HAVCR1: variants seen among roughly 807,000 people sequenced by gnomAD.
HAVCR1 encodes T cell immunoglobin domain and mucin domain protein 1.
A neutral mutation model predicts 32.0 loss-of-function variants in HAVCR1; 34 were observed. The ratio of observed to expected loss-of-function variants is 1.06; its 90% CI spans 0.81 to 1.42. The LOEUF is 1.42. Ranked by LOEUF, HAVCR1 falls within the 40% of genes most tolerant of loss-of-function variation. The pLI, the probability that HAVCR1 is intolerant of heterozygous loss-of-function variation, is 0.00. For missense variants in HAVCR1, 420 were observed against 442.3 expected (o/e 0.95, Z 0.45); for synonymous variants, 178 against 170.3 (o/e 1.05, Z -0.35).
At chr5:157,047,419 C>T (rs931880504) in intron 5 of HAVCR1, among the ~76,000 whole-genome samples, 3 of 152,006 alleles carry the variant, frequency 2.0e-5, no homozygotes, top group Non-Finnish European at 4.4e-5. Context: ...GGCAGGATGA[C>T]GCATACGTGT....
chr5:157,067,117 G>A, the HAVCR1 span, among the ~76,000 whole-genome samples: 1 of 152,182 alleles, frequency 6.6e-6, no homozygotes, highest in Admixed American at 6.5e-5. Context: ...CCACCATCTG[G>A]CAGCACTCAG....
chr5:157,032,833 T>A, intron 8 of HAVCR1, 21 bp downstream of exon 8: 1 of 1,421,670 alleles, frequency 7.0e-7, no homozygotes, highest in South Asian at 1.2e-5. Context: ...AAAGTATTGA[T>A]AGAAATATTT....
intron 7 of HAVCR1, among the ~76,000 whole-genome samples, chr5:157,034,122 G>A (rs2113486151): frequency 6.6e-6 from 1 of 152,238 alleles, no homozygotes; most frequent in South Asian, 2.1e-4. Flanking sequence ...CAAGGGACCG[G>A]CGCTCAGCAT....
chr5:157,062,100 A>C (rs534861871), upstream of HAVCR1, among the ~76,000 whole-genome samples: 49 of 152,262 alleles, frequency 3.2e-4, no homozygotes, highest in African/African-American at 9.1e-4. Flanking sequence ...GATGCATCCC[A>C]GTTGTAGGGT....
At chr5:157,057,399 GAAA>G (rs762760749) in intron 2 of HAVCR1, among the ~76,000 whole-genome samples, 2 of 29,622 alleles carry the variant, frequency 6.8e-5, no homozygotes, top group Non-Finnish European at 1.7e-4. Flanking sequence ...AAGAAAGAAA[GAAA>G]GAAAGAAAGA....
chr5:157,052,759 G>A (rs944658829), intron 3 of HAVCR1, 105 bp from the exon 4 acceptor site: 7 of 942,548 alleles, frequency 7.4e-6, no homozygotes, highest in Middle Eastern at 2.8e-4. Flanking sequence ...GTCCCTAGGT[G>A]GAGTTAACTT....
intron 8 of HAVCR1, among the ~76,000 whole-genome samples, chr5:157,032,245 G>A (rs550678251): frequency 6.6e-4 from 100 of 152,242 alleles, no homozygotes; most frequent in Middle Eastern, 6.8e-3. Flanking sequence ...ATGGCCGGGC[G>A]CGGTGGCTCA....
chr5:157,040,092 A>C (rs574688387), intron 6 of HAVCR1, among the ~76,000 whole-genome samples: 1 of 152,318 alleles, frequency 6.6e-6, no homozygotes, highest in East Asian at 1.9e-4. Context: ...TGAGGTCGGG[A>C]GTTGGAGACC....
chr5:157,060,473 A>T (rs1344683798), upstream of HAVCR1, among the ~76,000 whole-genome samples: 1 of 151,748 alleles, frequency 6.6e-6, no homozygotes, highest in East Asian at 1.9e-4. Context: ...CTTAAATATG[A>T]CCTCCCTGGA....
At chr5:157,042,537 AG>A in intron 6 of HAVCR1, 89 bp downstream of exon 6, 1 of 684,034 alleles carries the variant, frequency 1.5e-6, no homozygotes, top group South Asian at 2.2e-5. Context: ...TCTGTGGGCT[AG>A]TCTTACAGAC....
chr5:157,052,496 T>A lies in HAVCR1; in HGVS notation c.538A>T (p.Thr180Ser). The part of the protein sequence containing the change: ...MSIPTTTTVL[T>S]TMTVSTTTSV... ...GTTGTCGTTGAAACAGTCATTGTCGTCAGAACAGTCGTTGTCGTTGGAATG... is the reference window on the plus strand; with the variant it reads ...GTTGTCGTTGAAACAGTCATTGTCGACAGAACAGTCGTTGTCGTTGGAATG... The change falls in exon 4 of 9, where the codon ACG (threonine) becomes TCG (serine). Residue 180 changes from threonine to serine, a missense_variant. Coordinates refer to ENST00000523175, the MANE Select transcript of HAVCR1 (RefSeq NM_001173393.3). The A allele has an allele frequency of 1.2e-6, 2 of 1,602,978 alleles. No homozygotes were observed. The highest frequency in any genetic ancestry group is 1.7e-6 in the Non-Finnish European group (2 of 1,173,090).
At chr5:157,034,687 G>A (rs1754422376) in intron 7 of HAVCR1, among the ~76,000 whole-genome samples, 2 of 152,042 alleles carry the variant, frequency 1.3e-5, no homozygotes. Flanking sequence ...AGGTCCCTGA[G>A]GCCTTCCGCA....
At chr5:157,044,162 T>A (rs992284570) in intron 5 of HAVCR1, among the ~76,000 whole-genome samples, 2 of 151,686 alleles carry the variant, frequency 1.3e-5, no homozygotes, top group African/African-American at 2.4e-5. Context: ...TGAAACCCCA[T>A]CTCTACTAAA....
the HAVCR1 span, among the ~76,000 whole-genome samples, chr5:157,064,810 G>A: frequency 6.6e-6 from 1 of 152,208 alleles, no homozygotes; most frequent in African/African-American, 2.4e-5. Context: ...AGAGGTTGGA[G>A]TGAGCCAAGA....
intron 7 of HAVCR1, among the ~76,000 whole-genome samples, chr5:157,033,819 T>C (rs1754325056): frequency 6.6e-6 from 1 of 152,062 alleles, no homozygotes. Context: ...TCCCAACACT[T>C]TGGGAGGCAG....
intron 2 of HAVCR1, among the ~76,000 whole-genome samples, chr5:157,056,317 G>A (rs1208968603): frequency 6.6e-6 from 1 of 151,440 alleles, no homozygotes; most frequent in Non-Finnish European, 1.5e-5. Context: ...GAGATTATAA[G>A]CATTTTTCTA....
chr5:157,061,731 G>C (rs1756493549), upstream of HAVCR1, among the ~76,000 whole-genome samples: 1 of 151,816 alleles, frequency 6.6e-6, no homozygotes, highest in South Asian at 2.1e-4. Flanking sequence ...TAATTGAATA[G>C]ATAAACAAAT....
rs773780738 is a variant in HAVCR1 at position 157,055,264 on chromosome 5, G to C, written c.316C>G (p.Arg106Gly). The stretch of plus-strand genomic sequence containing the variant: ...TTGAACCACCCACGGTGCTCAACAC[G>C]GCAACAATATACGCCACTGTCAGAC... ...AVSDSGVYCC[R>G]VEHRGWFNDM... Residue 106 changes from arginine (R) to glycine (G), a missense_variant, in exon 3 of 9, where the codon CGT becomes GGT. Transcript: ENST00000523175. The C allele has an allele frequency of 6.2e-7, 1 of 1,612,390 alleles. No individual in the cohort carries two copies. The highest frequency in any genetic ancestry group is 8.5e-7 in the Non-Finnish European group (1 of 1,178,708).
At chr5:157,055,703 T>TA (rs200397976) in intron 2 of HAVCR1, among the ~76,000 whole-genome samples, 170 bp from the exon 3 acceptor site, 96 of 149,048 alleles carry the variant, frequency 6.4e-4, no homozygotes, top group Middle Eastern at 3.4e-3. Flanking sequence ...CGATCTCTAC[T>TA]AAAAAAAAAA....
Sources: gnomAD v4.1 joint callset for allele counts (sites outside exome capture counted in the v4.1 genomes callset) on GRCh38, gnomAD v4.1.1 for gene constraint, MANE v1.5 for transcripts, NCBI Gene and HGNC (gene_info 2026-07-23, HGNC 2026-07-21) for gene names.